Variants in TPTE2 observed in about 807,000 individuals in gnomAD.
The protein encoded by TPTE2 is transmembrane phosphoinositide 3-phosphatase and tensin homolog 2.
Under a neutral mutation model 78.6 loss-of-function variants are expected in TPTE2, and 53 were observed. The observed-to-expected ratio is 0.67, with a 90% CI of 0.54 to 0.85. TPTE2 has a LOEUF of 0.85. Ranked by LOEUF, TPTE2 falls within the 40% of genes least tolerant of loss-of-function variation. The pLI is 0.00. For synonymous variants in TPTE2, 175 were observed against 206.2 expected (o/e 0.85, Z 1.30); for missense variants, 461 against 623.0 (o/e 0.74, Z 2.77).
intron 1 of TPTE2, among the ~76,000 whole-genome samples, chr13:19,514,502 A>G (rs1258741672): frequency 6.6e-6 from 1 of 152,100 alleles, no homozygotes; most frequent in Non-Finnish European, 1.5e-5. Flanking sequence ...GTTAATCTCA[A>G]CAGTATTTCA....
Position 19,463,710 on chromosome 13 carries a change from G to A in TPTE2, c.741+746C>T, listed in dbSNP as rs144451416. On this transcript the variant is annotated intron_variant, in intron 10 of 19. Transcript: ENST00000400230. ...GTGCTTTGACTTTGGTTCTGGGTGG[G>A]TGCAGTAATATAATCTTCAGGTGAC... Among the ~76,000 whole-genome samples, 634 of 152,156 alleles carry A rather than the reference G, an allele frequency of 4.2e-3. 5 individuals carry two copies. The highest frequency in any genetic ancestry group is 0.026 in the South Asian group (124 of 4,800).
At chr13:19,538,889 G>A (rs1871358419), upstream of TPTE2, among the ~76,000 whole-genome samples, 1 of 152,122 alleles carries the variant, frequency 6.6e-6, no homozygotes, top group African/African-American at 2.4e-5. Flanking sequence ...TTGTATGTAT[G>A]GTATGAAGCA....
chr13:19,436,000 T>C (rs1462884474), intron 15 of TPTE2, among the ~76,000 whole-genome samples: 1 of 151,926 alleles, frequency 6.6e-6, no homozygotes, highest in African/African-American at 2.4e-5. Flanking sequence ...ATAACCAGTA[T>C]AGAATAGAAA....
the TPTE2 span, among the ~76,000 whole-genome samples, chr13:19,544,840 T>C: frequency 6.6e-6 from 1 of 152,160 alleles, no homozygotes; most frequent in Non-Finnish European, 1.5e-5. Flanking sequence ...ACTTGAAGGC[T>C]GTGGTAAACT....
upstream of TPTE2, among the ~76,000 whole-genome samples, chr13:19,507,873 G>T (rs1869177896): frequency 6.6e-6 from 1 of 152,164 alleles, no homozygotes; most frequent in South Asian, 2.1e-4. Flanking sequence ...CACATTGCCA[G>T]CTTTTGCCAG....
intron 10 of TPTE2, among the ~76,000 whole-genome samples, chr13:19,452,784 T>C (rs1485421431): frequency 1.3e-5 from 2 of 152,000 alleles, no homozygotes; most frequent in Admixed American, 6.6e-5. Flanking sequence ...TACTCTTAGC[T>C]AGGTAATTTC....
At chr13:19,450,996 C>G (rs902133895) in intron 11 of TPTE2, among the ~76,000 whole-genome samples, 169 bp downstream of exon 14, 3 of 152,182 alleles carry the variant, frequency 2.0e-5, no homozygotes, top group African/African-American at 7.2e-5. Flanking sequence ...TGCTGCTGGG[C>G]TAACTCCCTC....
intron 10 of TPTE2, among the ~76,000 whole-genome samples, chr13:19,457,346 T>C (rs1372676472): frequency 1.3e-5 from 2 of 152,208 alleles, no homozygotes; most frequent in Admixed American, 1.3e-4. Context: ...TCAGGGCATA[T>C]GTATATACAG....
At position 19,446,038 on chromosome 13, in the gene TPTE2, G is replaced by A. The variant is rs1294617936; in HGVS notation, c.973+4038C>T. On this transcript the variant is annotated intron_variant, in intron 13 of 19. Transcript: ENST00000400230. ...GATTCCATTTTCAGTCACAATTTGTGTAGGAATGAATTTTTGAAAAGATGT... is the reference window on the plus strand; with the variant it reads ...GATTCCATTTTCAGTCACAATTTGTATAGGAATGAATTTTTGAAAAGATGT... Among the ~76,000 whole-genome samples the A allele has an allele frequency of 4.6e-5, 7 of 152,168 alleles. No individual in the cohort carries two copies. In the South Asian group the frequency reaches 1.4e-3, roughly 31 times the overall value.
At chr13:19,502,626 T>C (rs934977187) in intron 1 of TPTE2, among the ~76,000 whole-genome samples, 5 of 130,440 alleles carry the variant, frequency 3.8e-5, no homozygotes, top group African/African-American at 1.2e-4. Context: ...GGAAGGGGAA[T>C]ATCACACTCT....
intron 13 of TPTE2, among the ~76,000 whole-genome samples, chr13:19,445,353 C>T (rs1234105807): frequency 6.6e-6 from 1 of 152,096 alleles, no homozygotes; most frequent in South Asian, 2.1e-4. Context: ...AAAAAAACTT[C>T]CTCAAACTTA....
chr13:19,469,876 A>G (rs1041330981), intron 6 of TPTE2, among the ~76,000 whole-genome samples: 31 of 152,296 alleles, frequency 2.0e-4, no homozygotes, highest in Admixed American at 7.8e-4. Context: ...TTGATTTTGT[A>G]TCCTGCAACT....
upstream of TPTE2, among the ~76,000 whole-genome samples, chr13:19,541,158 T>C (rs1871426564): frequency 6.6e-6 from 1 of 152,230 alleles, no homozygotes. Context: ...CAGCTCCTAG[T>C]GGTCCCCAAG....
intron 19 of TPTE2, among the ~76,000 whole-genome samples, 157 bp downstream of exon 22, chr13:19,424,790 C>G (rs1181021439): frequency 6.6e-6 from 1 of 152,066 alleles, no homozygotes; most frequent in East Asian, 1.9e-4. Context: ...TTAAAATAAC[C>G]AAAGTAAGAG....
At chr13:19,462,325 T>C (rs1878974910) in intron 10 of TPTE2, among the ~76,000 whole-genome samples, 1 of 152,086 alleles carries the variant, frequency 6.6e-6, no homozygotes. Flanking sequence ...GTCTAGGAAA[T>C]ACTTTATTTC....
At chr13:19,523,336 G>A (rs1277018519) in intron 1 of TPTE2, among the ~76,000 whole-genome samples, 1 of 152,042 alleles carries the variant, frequency 6.6e-6, no homozygotes, top group African/African-American at 2.4e-5. Flanking sequence ...TCCCAAGATT[G>A]CAGCAAGCCT....
At chr13:19,423,380 CT>C (rs1289763856) in intron 19 of TPTE2, among the ~76,000 whole-genome samples, 1 of 152,146 alleles carries the variant, frequency 6.6e-6, no homozygotes, top group Admixed American at 6.5e-5. Flanking sequence ...CATGCTGACT[CT>C]CTTAGCATTG....
At chr13:19,556,673 A>G in the TPTE2 span, among the ~76,000 whole-genome samples, 1 of 152,144 alleles carries the variant, frequency 6.6e-6, no homozygotes, top group Admixed American at 6.5e-5. Flanking sequence ...TTACAGGCAT[A>G]TACCACCATG....
chr13:19,471,064 C>G (rs140209772), intron 6 of TPTE2, among the ~76,000 whole-genome samples: 3,702 of 152,084 alleles, frequency 0.024, 60 homozygotes, highest in Middle Eastern at 0.051. Flanking sequence ...TGTGCACCAC[C>G]ACACCCTGCT....
Sources: allele counts gnomAD v4.1 joint callset (sites outside exome capture counted in the v4.1 genomes callset), GRCh38; gene constraint gnomAD v4.1.1; transcripts MANE v1.5; gene names NCBI Gene and HGNC (gene_info 2026-07-23, HGNC 2026-07-21).